Variants in CDCA7L observed in about 807,000 individuals in gnomAD.
CDCA7L encodes the protein cell division cycle-associated 7-like protein.
A neutral mutation model predicts 57.4 loss-of-function variants in CDCA7L; 44 were observed. The ratio of observed to expected loss-of-function variants is 0.77; its 90% CI spans 0.60 to 0.98. The LOEUF is 0.98. Ranked by LOEUF, CDCA7L falls within the 50% of genes least tolerant of loss-of-function variation. The pLI, the probability that CDCA7L is intolerant of heterozygous loss-of-function variation, is 0.00. For synonymous variants in CDCA7L, 236 were observed against 202.8 expected (o/e 1.16, Z -1.39); for missense variants, 644 against 580.6 (o/e 1.11, Z -1.12).
chr7:21,927,252 G>A (rs1201916715), intron 1 of CDCA7L, among the ~76,000 whole-genome samples: 1 of 152,058 alleles, frequency 6.6e-6, no homozygotes, highest in Non-Finnish European at 1.5e-5. Context: ...TATGCTGAAA[G>A]AACAAAAAGC....
At chr7:21,914,649 C>T (rs186061204) in intron 2 of CDCA7L, among the ~76,000 whole-genome samples, 19 of 152,264 alleles carry the variant, frequency 1.2e-4, no homozygotes, top group African/African-American at 4.6e-4. Context: ...GAAAGAGACC[C>T]GGCGGGGTAA....
chr7:21,929,602 T>G (rs1234595516), intron 1 of CDCA7L, among the ~76,000 whole-genome samples: 3 of 76,500 alleles, frequency 3.9e-5, no homozygotes, highest in African/African-American at 1.0e-4. Context: ...AATAAAAGGA[T>G]GGAGGAATAT....
At chr7:21,945,675 C>A in intron 1 of CDCA7L, 106 bp downstream of exon 1, 1 of 1,424,266 alleles carries the variant, frequency 7.0e-7, no homozygotes, top group Non-Finnish European at 9.7e-7. Flanking sequence ...ATCCCCAGTG[C>A]CGCAGCCAAG....
At chr7:21,928,427 A>G in intron 1 of CDCA7L, among the ~76,000 whole-genome samples, 1 of 152,096 alleles carries the variant, frequency 6.6e-6, no homozygotes, top group Non-Finnish European at 1.5e-5. Flanking sequence ...CCTTACCAGC[A>G]AGGGAACAAA....
chr7:21,921,535 T>C (rs868311656), intron 1 of CDCA7L, among the ~76,000 whole-genome samples: 1 of 151,752 alleles, frequency 6.6e-6, no homozygotes, highest in Non-Finnish European at 1.5e-5. Context: ...GTCACTTTCC[T>C]GTTCCATTCA....
At position 21,906,378 on chromosome 7, in the gene CDCA7L, G is replaced by T. The variant is rs1337148711; in HGVS notation, c.832C>A (p.Pro278Thr). The T allele has an allele frequency of 6.2e-7, 1 of 1,613,608 alleles. No individual in the cohort carries two copies. The highest frequency in any genetic ancestry group is 1.3e-5 in the African/African-American group (1 of 74,878). ...AAGTTCTCTAGAGCAAACTTCTCAG[G>T]AGGCCGCGCACTCCGGGTTGGGTTC... ...RMNPTRSARP[P>T]EKFALENFTV... The change falls in exon 6 of 10, where the codon CCT becomes ACT. Residue 278 changes from proline (P) to threonine (T), a missense_variant. Pro to Thr is a conservative substitution (Grantham distance 38). Coordinates refer to ENST00000406877, the MANE Select transcript of CDCA7L (RefSeq NM_018719.5).
rs773872806 is a variant in CDCA7L at position 21,908,303 on chromosome 7, C to T, written c.508G>A (p.Ala170Thr). ...NSSSEQLFSS[A>T]RLQNEKKTIL... is the part of the protein sequence containing the mutation. ...GTTTTTTTCTCATTCTGTAAGCGTG[C>T]GCTAGAAAACAACTGCTCGGAAGAA... Residue 170 changes from alanine to threonine, a missense_variant, in exon 4 of 10, where the codon GCA becomes ACA. Physicochemically the swap from Ala to Thr is moderately conservative, Grantham distance 58. Coordinates refer to ENST00000406877, the MANE Select transcript of CDCA7L (RefSeq NM_018719.5). 9 of 1,610,554 alleles carry T rather than the reference C, an allele frequency of 5.6e-6. No homozygotes were observed. The highest frequency in any genetic ancestry group is 1.3e-5 in the African/African-American group (1 of 74,406).
At chr7:21,902,472 C>A (rs1033063431) in intron 9 of CDCA7L, 120 bp from the exon 10 acceptor site, 5 of 954,760 alleles carry the variant, frequency 5.2e-6, no homozygotes, top group African/African-American at 3.2e-5. Context: ...TCCTGACACT[C>A]GAAATCCTGA....
intron 1 of CDCA7L, among the ~76,000 whole-genome samples, chr7:21,930,659 T>C (rs1348769678): frequency 4.6e-5 from 6 of 130,266 alleles, no homozygotes; most frequent in African/African-American, 1.5e-4. Flanking sequence ...GATTACGCCA[T>C]TGCACTCCAG....
intron 1 of CDCA7L, among the ~76,000 whole-genome samples, chr7:21,921,243 A>C (rs927229928): frequency 1.3e-5 from 2 of 151,418 alleles, no homozygotes. Flanking sequence ...GAAAGAGCAC[A>C]CTTTCAAAAA....
At chr7:21,943,612 C>T (rs1257829204) in intron 1 of CDCA7L, among the ~76,000 whole-genome samples, 1 of 152,184 alleles carries the variant, frequency 6.6e-6, no homozygotes. Flanking sequence ...GAACCACTCT[C>T]CACTAATTTA....
rs768054692 is a variant in CDCA7L at position 21,945,814 on chromosome 7, C to T, written c.-10G>A. 1.9e-6 allele frequency: 3 copies of T among 1,598,888 alleles called. No individual in the cohort carries two copies. The highest frequency in any genetic ancestry group is 2.7e-5 in the African/African-American group (2 of 72,908). On this transcript the variant is annotated 5_prime_UTR_variant, in exon 1 of 10. Coordinates refer to ENST00000406877, the MANE Select transcript of CDCA7L (RefSeq NM_018719.5). ...GAGTCGCCAACTCCATTCTTCCTAA[C>T]CGGGCTCCAGTCTCCTCCCAGCACG...
intron 2 of CDCA7L, among the ~76,000 whole-genome samples, chr7:21,916,383 C>T (rs1785480632): frequency 6.6e-6 from 1 of 152,028 alleles, no homozygotes; most frequent in Non-Finnish European, 1.5e-5. Flanking sequence ...ATTGTCTCCC[C>T]GTAACCACAC....
At chr7:21,920,341 G>A (rs1785613140) in intron 1 of CDCA7L, among the ~76,000 whole-genome samples, 1 of 152,156 alleles carries the variant, frequency 6.6e-6, no homozygotes, top group Admixed American at 6.5e-5. Context: ...TCTCTGTGTG[G>A]GTGTGTTGAC....
At chr7:21,903,308 A>C (rs1190006971) in intron 8 of CDCA7L, among the ~76,000 whole-genome samples, 194 bp from the exon 9 acceptor site, 1 of 152,198 alleles carries the variant, frequency 6.6e-6, no homozygotes, top group Non-Finnish European at 1.5e-5. Flanking sequence ...AAACACTGAA[A>C]AATGACACCT....
intron 2 of CDCA7L, among the ~76,000 whole-genome samples, chr7:21,913,780 G>C (rs1030783667): frequency 6.6e-6 from 1 of 152,226 alleles, no homozygotes; most frequent in South Asian, 2.1e-4. Context: ...AGGGCAATGG[G>C]CATCTTGGGA....
Position 21,901,121 on chromosome 7 carries a change from A to C in CDCA7L, c.*1201T>G, listed in dbSNP as rs755601215. 6.2e-7 allele frequency: 1 copy of C among 1,613,136 alleles called. No homozygotes were observed. The highest frequency in any genetic ancestry group is 2.2e-5 in the East Asian group (1 of 44,884). ...ACCCCCGTGGACAGACAAGAAACCAAACAGACCTACGAGTGCCCTGTGTAT... is the reference window on the plus strand; with the variant it reads ...ACCCCCGTGGACAGACAAGAAACCACACAGACCTACGAGTGCCCTGTGTAT... On this transcript the variant is annotated 3_prime_UTR_variant, in exon 10 of 10. Coordinates refer to ENST00000406877, the MANE Select transcript of CDCA7L (RefSeq NM_018719.5).
At position 21,902,028 on chromosome 7, in the gene CDCA7L, T is replaced by G. The variant is rs1216405273; in HGVS notation, c.*294A>C. 5 of 414,822 alleles carry G rather than the reference T, an allele frequency of 1.2e-5. No homozygotes were observed. In the Admixed American group the frequency reaches 1.4e-4, roughly 12 times the overall value. 25.7% of individuals were successfully genotyped at this position (414,822 alleles called of 1,614,324 possible). ...ATGTTTTCTCTCTAACTTACTTACC[T>G]GAACTTTAACCCCACCCCATTTAAA... On this transcript the variant is annotated 3_prime_UTR_variant, in exon 10 of 10. Coordinates refer to ENST00000406877, the MANE Select transcript of CDCA7L (RefSeq NM_018719.5).
intron 1 of CDCA7L, among the ~76,000 whole-genome samples, chr7:21,922,750 G>T (rs1785692618): frequency 6.6e-6 from 1 of 152,156 alleles, no homozygotes; most frequent in Admixed American, 6.5e-5. Flanking sequence ...AGAGCCAAAA[G>T]GTGGAAGCAA....
Sources: allele counts gnomAD v4.1 joint callset (sites outside exome capture counted in the v4.1 genomes callset), GRCh38; gene constraint gnomAD v4.1.1; transcripts MANE v1.5; gene names NCBI Gene and HGNC (gene_info 2026-07-23, HGNC 2026-07-21).